CLVS2: variants seen among roughly 807,000 people sequenced by gnomAD.
The protein encoded by CLVS2 is clavesin-2.
Under a neutral mutation model 29.0 loss-of-function variants are expected in CLVS2, and 19 were observed. The observed-to-expected ratio is 0.66, with a 90% CI of 0.46 to 0.96. The LOEUF (loss-of-function observed/expected upper bound fraction) is 0.96, where lower values mean the gene tolerates loss of function less well. CLVS2 is among the 40% of genes least tolerant of loss of function. The pLI, the probability that CLVS2 is intolerant of heterozygous loss-of-function variation, is 0.00. For missense variants in CLVS2, 294 were observed against 404.1 expected (o/e 0.73, Z 2.34); for synonymous variants, 161 against 151.3 (o/e 1.06, Z -0.47).
chr6:123,038,077 T>C (rs1775179269), intron 3 of CLVS2, among the ~76,000 whole-genome samples: 1 of 152,182 alleles, frequency 6.6e-6, no homozygotes, highest in Non-Finnish European at 1.5e-5. Context: ...TTTTGACAAC[T>C]GGATCCTAAA....
chr6:123,060,797 G>A (rs71574811), intron 5 of CLVS2, among the ~76,000 whole-genome samples: 6,661 of 152,254 alleles, frequency 0.044, 174 homozygotes, highest in Middle Eastern at 0.054. Flanking sequence ...AAAATCTTAG[G>A]AAGTTTAGTC....
chr6:123,030,585 C>A lies in CLVS2; in HGVS notation c.565-18037C>A, dbSNP rs190823655. 8.7e-3 allele frequency among the ~76,000 whole-genome samples: 1,328 copies of A among 152,164 alleles called. 7 individuals carry two copies. Among genetic ancestry groups the A allele is most frequent in the Non-Finnish European group, 0.015 (998 of 68,004 alleles). On this transcript the variant is annotated intron_variant, in intron 3 of 5. Coordinates refer to ENST00000275162, the MANE Select transcript of CLVS2 (RefSeq NM_001010852.4). ...TTCCCTTTGTCTCTTTCCATAGCTC[C>A]AAACTGGACTTTGCAGTCCAGGTAA...
intron 3 of CLVS2, among the ~76,000 whole-genome samples, chr6:123,022,604 T>C (rs537447040): frequency 1.6e-3 from 243 of 151,422 alleles, no homozygotes; most frequent in African/African-American, 5.2e-3. Context: ...GAGGTCTTTT[T>C]CCCCCCCCAG....
At chr6:123,018,196 G>T (rs7451648) in intron 3 of CLVS2, among the ~76,000 whole-genome samples, 2 of 152,044 alleles carry the variant, frequency 1.3e-5, no homozygotes, top group African/African-American at 4.8e-5. Flanking sequence ...GCTATGTTTA[G>T]ACATGTCCTG....
At chr6:123,061,330 A>G (rs1209853810) in intron 5 of CLVS2, among the ~76,000 whole-genome samples, 2 of 152,018 alleles carry the variant, frequency 1.3e-5, no homozygotes, top group Middle Eastern at 3.2e-3. Context: ...AAAACCCAGA[A>G]ACCTCTGAGA....
Position 123,066,270 on chromosome 6 carries a change from C to G in CLVS2, c.*2509C>G, listed in dbSNP as rs936811128. 2.0e-5 allele frequency: 3 copies of G among 151,538 alleles called. No homozygotes were observed. The highest frequency in any genetic ancestry group is 7.3e-5 in the African/African-American group (3 of 41,314). The allele number at this position is 151,538 out of a possible 1,614,324, so 9.4% of individuals were successfully genotyped here. Reference sequence around the variant, plus strand: ...GTCACATCCTATGTCTATGAATAACCTATACACTATAGTTGTATGCCTATA... The same window carrying G: ...GTCACATCCTATGTCTATGAATAACGTATACACTATAGTTGTATGCCTATA... On this transcript the variant is annotated 3_prime_UTR_variant, in exon 6 of 6. Coordinates refer to ENST00000275162, the MANE Select transcript of CLVS2 (RefSeq NM_001010852.4).
intron 3 of CLVS2, among the ~76,000 whole-genome samples, chr6:123,031,139 T>C (rs140802664): frequency 6.6e-6 from 1 of 151,996 alleles, no homozygotes; most frequent in Admixed American, 6.6e-5. Flanking sequence ...CTGGCTAATT[T>C]TTTGTATTTT....
At chr6:123,054,234 C>T (rs1772658735) in intron 4 of CLVS2, among the ~76,000 whole-genome samples, 1 of 152,180 alleles carries the variant, frequency 6.6e-6, no homozygotes, top group African/African-American at 2.4e-5. Context: ...TTAACTTTCA[C>T]AGGAAAATTA....
chr6:123,026,279 A>T (rs1481404408), intron 3 of CLVS2, among the ~76,000 whole-genome samples: 3 of 151,958 alleles, frequency 2.0e-5, no homozygotes, highest in Admixed American at 2.0e-4. Flanking sequence ...CTATGGTGAA[A>T]TTTTCTTTTT....
chr6:123,001,239 A>G (rs1774585218), intron 2 of CLVS2, among the ~76,000 whole-genome samples: 1 of 152,230 alleles, frequency 6.6e-6, no homozygotes. Flanking sequence ...CAGTGACTAT[A>G]AATAAAATAG....
chr6:123,011,618 T>C (rs1774748723), intron 3 of CLVS2, among the ~76,000 whole-genome samples: 1 of 152,008 alleles, frequency 6.6e-6, no homozygotes, highest in Admixed American at 6.6e-5. Flanking sequence ...AAAGATCATC[T>C]CTCTAAATTT....
At chr6:122,998,581 A>G (rs751628693) in intron 2 of CLVS2, among the ~76,000 whole-genome samples, 2 of 152,216 alleles carry the variant, frequency 1.3e-5, no homozygotes, top group African/African-American at 4.8e-5. Context: ...CATTGTCATC[A>G]TCATCATCAT....
rs980026496 is a variant in CLVS2 at position 122,996,302 on chromosome 6, C to T, written c.-1004C>T. The T allele has an allele frequency of 3.9e-5, 6 of 153,258 alleles. No individual in the cohort carries two copies. The highest frequency in any genetic ancestry group is 3.4e-3 in the Middle Eastern group (1 of 296). The allele number at this position is 153,258 out of a possible 1,614,324, so 9.5% of individuals were successfully genotyped here. On this transcript the variant is annotated 5_prime_UTR_variant, in exon 1 of 6. Transcript: ENST00000275162. ...GGTGGGGCAACCCTGACTCGGACCG[C>T]TCGGGAGAGCCCCAGGAGAGGCCAG...
chr6:122,998,751 C>G (rs1417034871), intron 2 of CLVS2, among the ~76,000 whole-genome samples: 1 of 152,196 alleles, frequency 6.6e-6, no homozygotes, highest in Non-Finnish European at 1.5e-5. Flanking sequence ...GTTGCATCCT[C>G]TGTCGCTGAG....
At position 123,063,666 on chromosome 6, in the gene CLVS2, C is replaced by T; in HGVS notation, c.897-8C>T. The stretch of plus-strand genomic sequence containing the variant: ...ATAACTCACTGACGTTGGCTTTATC[C>T]TTTCCAGATCTCAATCAGTAGTGGA... On this transcript the variant is annotated splice_polypyrimidine_tract_variant and splice_region_variant and intron_variant, in intron 5 of 5. Coordinates refer to ENST00000275162, the MANE Select transcript of CLVS2 (RefSeq NM_001010852.4). 6.3e-7 allele frequency: 1 copy of T among 1,582,914 alleles called. No individual in the cohort carries two copies. Among genetic ancestry groups the T allele is most frequent in the Non-Finnish European group, 8.7e-7 (1 of 1,154,672 alleles).
intron 3 of CLVS2, among the ~76,000 whole-genome samples, chr6:123,027,361 C>T (rs1775018152): frequency 6.6e-6 from 1 of 152,140 alleles, no homozygotes; most frequent in Non-Finnish European, 1.5e-5. Flanking sequence ...AGTTTAGAGA[C>T]TTTCGTAGCA....
At chr6:123,030,720 G>T (rs1375818574) in intron 3 of CLVS2, among the ~76,000 whole-genome samples, 2 of 151,436 alleles carry the variant, frequency 1.3e-5, no homozygotes, top group Non-Finnish European at 2.9e-5. Context: ...TGTTAATATA[G>T]GAGTAGCTCA....
chr6:123,068,373 T>C lies in CLVS2; in HGVS notation c.*4612T>C, dbSNP rs1434027948. The C allele has an allele frequency of 1.3e-5, 2 of 151,714 alleles. No homozygotes were observed. Among genetic ancestry groups the C allele is most frequent in the East Asian group, 1.9e-4 (1 of 5,186 alleles). 9.4% of individuals were successfully genotyped at this position (151,714 alleles called of 1,614,324 possible). A position where few individuals can be genotyped will look rare whatever the true frequency, so the allele number is the denominator to read the frequency against. On this transcript the variant is annotated 3_prime_UTR_variant, in exon 6 of 6. Transcript: ENST00000275162. ...AGTGCAAATATGTCTGTCCTTGATA[T>C]AGTGCATTTATTCTGTAAGACTTAT...
At chr6:123,012,658 T>G (rs983072865) in intron 3 of CLVS2, among the ~76,000 whole-genome samples, 4 of 152,060 alleles carry the variant, frequency 2.6e-5, no homozygotes, top group Non-Finnish European at 5.9e-5. Context: ...AGAAGTTCTT[T>G]AAGTGCTACC....
Sources: gnomAD v4.1 joint callset for allele counts (sites outside exome capture counted in the v4.1 genomes callset) on GRCh38, gnomAD v4.1.1 for gene constraint, MANE v1.5 for transcripts, NCBI Gene and HGNC (gene_info 2026-07-23, HGNC 2026-07-21) for gene names.